The following ST14 variants were observed in gnomAD, a reference collection of about 807,000 sequenced individuals.
The protein encoded by ST14 is ST14 transmembrane serine protease matriptase, also known as suppressor of tumorigenicity 14 protein.
Under a neutral mutation model 96.5 loss-of-function variants are expected in ST14, and 40 were observed. The observed-to-expected ratio is 0.41, with a 90% CI of 0.32 to 0.54. The LOEUF (loss-of-function observed/expected upper bound fraction) is 0.54. Ranked by LOEUF, ST14 falls within the 20% of genes least tolerant of loss-of-function variation. The probability of loss-of-function intolerance (pLI) is 0.17; values close to 1 mark genes in which losing one functional copy is unlikely to be tolerated. For missense variants in ST14, 1,066 were observed against 1,188.9 expected (o/e 0.90, Z 1.52); for synonymous variants, 506 against 492.1 (o/e 1.03, Z -0.37).
At chr11:130,178,551 C>T (rs546186452) in intron 1 of ST14, among the ~76,000 whole-genome samples, 20 of 152,244 alleles carry the variant, frequency 1.3e-4, no homozygotes, top group African/African-American at 3.9e-4. Flanking sequence ...GGCAGAGAAC[C>T]GCTGGGTTTC....
At chr11:130,195,229 C>T (rs1045884340) in intron 9 of ST14, among the ~76,000 whole-genome samples, 11 of 152,156 alleles carry the variant, frequency 7.2e-5, no homozygotes, top group Non-Finnish European at 1.5e-4. Context: ...GCCTGGGCAA[C>T]AGTGAGACCC....
intron 1 of ST14, among the ~76,000 whole-genome samples, chr11:130,165,354 C>T (rs746345999): frequency 3.9e-5 from 6 of 152,194 alleles, no homozygotes; most frequent in Non-Finnish European, 8.8e-5. Context: ...TAGAAACTTA[C>T]AGAATTCTCA....
intron 1 of ST14, among the ~76,000 whole-genome samples, chr11:130,170,565 C>T (rs1036157090): frequency 2.0e-5 from 3 of 152,060 alleles, no homozygotes; most frequent in Non-Finnish European, 4.4e-5. Flanking sequence ...CCTGGCAAGG[C>T]TCAGCTTTGG....
At chr11:130,186,419 G>A (rs943667609) in intron 1 of ST14, among the ~76,000 whole-genome samples, 2 of 152,222 alleles carry the variant, frequency 1.3e-5, no homozygotes, top group East Asian at 3.8e-4. Flanking sequence ...GGAAGTTCCA[G>A]ACAACTGCTA....
Position 130,209,454 on chromosome 11 carries a change from TGATCCTGCAAAAGGGTGA to T in ST14, c.2288_2305del (p.Leu763_Ile768del). 8 of 1,584,784 alleles carry T rather than the reference TGATCCTGCAAAAGGGTGA, an allele frequency of 5.0e-6. No individual in the cohort carries two copies. The highest frequency in any genetic ancestry group is 6.9e-6 in the Non-Finnish European group (8 of 1,165,636). On this transcript the variant is annotated inframe_deletion, in exon 18 of 19. Coordinates refer to ENST00000278742, the MANE Select transcript of ST14 (RefSeq NM_021978.4). ...GCCCTCTCCCCAGGCACTGGCGCGC[TGATCCTGCAAAAGGGTGA>T]GATCCGCGTCATCAACCAGACCACC...
intron 16 of ST14, among the ~76,000 whole-genome samples, chr11:130,203,145 G>A (rs147185869): frequency 1.2e-4 from 18 of 152,236 alleles, no homozygotes; most frequent in African/African-American, 2.4e-4. Context: ...TGAACAGGGC[G>A]GGCTTGGAGG....
chr11:130,162,899 C>T (rs961164133), intron 1 of ST14, among the ~76,000 whole-genome samples: 7 of 152,142 alleles, frequency 4.6e-5, no homozygotes, highest in African/African-American at 1.4e-4. Context: ...AGCCAAGACC[C>T]GGGGCCGCCT....
intron 1 of ST14, among the ~76,000 whole-genome samples, chr11:130,162,455 A>G (rs886402406): frequency 6.6e-6 from 1 of 152,142 alleles, no homozygotes; most frequent in Non-Finnish European, 1.5e-5. Flanking sequence ...TCCGATCACA[A>G]TTGCCCTAGG....
At position 130,194,784 on chromosome 11, in the gene ST14, G is replaced by C. The variant is rs763269484; in HGVS notation, c.1113+47G>C. 3.2e-6 allele frequency: 5 copies of C among 1,581,062 alleles called. No homozygotes were observed. In the East Asian group the frequency reaches 1.1e-4, roughly 35 times the overall value. On this transcript the variant is annotated intron_variant, in intron 9 of 18. Coordinates refer to ENST00000278742, the MANE Select transcript of ST14 (RefSeq NM_021978.4). ...AACGTGTGTGTGTGTGAGCATGTATGTGCACGTGTGTGTGTCTCCCTGTGC... is the reference window on the plus strand; with the variant it reads ...AACGTGTGTGTGTGTGAGCATGTATCTGCACGTGTGTGTGTCTCCCTGTGC...
At chr11:130,197,174 G>C (rs2324003) in intron 11 of ST14, among the ~76,000 whole-genome samples, 102,428 of 152,142 alleles carry the variant, frequency 0.67, 34,856 homozygotes, top group East Asian at 0.93. Flanking sequence ...ACCTTGGGAA[G>C]ACATTTAACT....
At chr11:130,193,471 T>C (rs1313242877) in intron 7 of ST14, among the ~76,000 whole-genome samples, 1 of 150,742 alleles carries the variant, frequency 6.6e-6, no homozygotes, top group East Asian at 2.0e-4. Flanking sequence ...GTCTAGGGTG[T>C]TGCTCTTTTT....
In ST14 at chr11:130,188,687, G is replaced by T; in HGVS notation, c.369+30G>T. Reference sequence around the variant, plus strand: ...GTGCAGCCTGCCCAGAGTCCTGCTGGGCTGTGTGCGCTGGTGTCCCACCTG... The same window carrying T: ...GTGCAGCCTGCCCAGAGTCCTGCTGTGCTGTGTGCGCTGGTGTCCCACCTG... On this transcript the variant is annotated intron_variant, in intron 3 of 18. Transcript: ENST00000278742. The surrounding 1 kb of genome is among the most constrained non-coding windows in gnomAD (Gnocchi z 5.4). 6.2e-7 allele frequency: 1 copy of T among 1,613,892 alleles called. No homozygotes were observed.
At chr11:130,161,687 T>G (rs1470130443) in intron 1 of ST14, among the ~76,000 whole-genome samples, 1 of 152,220 alleles carries the variant, frequency 6.6e-6, no homozygotes, top group Non-Finnish European at 1.5e-5. Context: ...GAAGCTCATT[T>G]GCTCTCTGCG....
chr11:130,203,713 C>T (rs1953456315), intron 16 of ST14, among the ~76,000 whole-genome samples: 2 of 152,112 alleles, frequency 1.3e-5, no homozygotes, highest in Admixed American at 6.5e-5. Context: ...AGTGCAATGG[C>T]GCGATCTCAG....
chr11:130,186,102 C>A (rs1397669913), intron 1 of ST14, among the ~76,000 whole-genome samples: 1 of 152,168 alleles, frequency 6.6e-6, no homozygotes, highest in Non-Finnish European at 1.5e-5. Flanking sequence ...GCCACTGCAC[C>A]CAGCTTGAGC....
chr11:130,199,117 A>C, intron 15 of ST14, 48 bp downstream of exon 15: 5 of 1,586,628 alleles, frequency 3.2e-6, no homozygotes, highest in Non-Finnish European at 4.3e-6. Flanking sequence ...CACTGTGTGA[A>C]GTGCCCACCA....
Position 130,188,832 on chromosome 11 carries a change from C to T in ST14, c.370-37C>T, listed in dbSNP as rs1230233444. ...CCCGGGCTTGGGGCAGGGTCATCGC[C>T]GCATGGGGCTCACCTTGAGTCTCTG... On this transcript the variant is annotated intron_variant, in intron 3 of 18. Coordinates refer to ENST00000278742, the MANE Select transcript of ST14 (RefSeq NM_021978.4). This position sits in a 1 kb window ranked among gnomAD's most constrained non-coding sequence, Gnocchi z 5.4. The T allele has an allele frequency of 1.2e-5, 19 of 1,608,322 alleles. No individual in the cohort carries two copies. Among genetic ancestry groups the T allele is most frequent in the Admixed American group, 5.1e-5 (3 of 58,840 alleles).
chr11:130,198,316 G>C lies in ST14; in HGVS notation c.1468G>C (p.Ala490Pro), dbSNP rs767558579. The C allele has an allele frequency of 6.2e-7, 1 of 1,614,106 alleles. No individual in the cohort carries two copies. Among genetic ancestry groups the C allele is most frequent in the African/African-American group, 1.3e-5 (1 of 75,032 alleles). ...HSDELNCSCD[A>P]GHQFTCKNKF... ...CCCTTACCCCACTCCAGGTTGCGACGCCGGCCACCAGTTCACGTGCAAGAA... is the reference window on the plus strand; with the variant it reads ...CCCTTACCCCACTCCAGGTTGCGACCCCGGCCACCAGTTCACGTGCAAGAA... Residue 490 changes from alanine to proline, a missense_variant, in exon 13 of 19, where the codon GCC (alanine) becomes CCC (proline). Coordinates refer to ENST00000278742, the MANE Select transcript of ST14 (RefSeq NM_021978.4).
chr11:130,193,377 A>G (rs981378965), intron 7 of ST14, among the ~76,000 whole-genome samples: 1 of 152,094 alleles, frequency 6.6e-6, no homozygotes, highest in African/African-American at 2.4e-5. Flanking sequence ...CATGTTCTTA[A>G]TAAATGTTGA....
Sources: allele counts gnomAD v4.1 joint callset (sites outside exome capture counted in the v4.1 genomes callset), GRCh38; gene constraint gnomAD v4.1.1; non-coding constraint Gnocchi (gnomAD v3.1); transcripts MANE v1.5; gene names NCBI Gene and HGNC (gene_info 2026-07-23, HGNC 2026-07-21).